Variants in CAMTA1 observed in about 807,000 individuals in gnomAD.
CAMTA1 encodes calmodulin-binding transcription activator 1.
A neutral mutation model predicts 170.9 loss-of-function variants in CAMTA1; 27 were observed. The observed-to-expected ratio is 0.16, with a 90% CI of 0.12 to 0.22. The LOEUF (loss-of-function observed/expected upper bound fraction) is 0.22, where lower values mean the gene tolerates loss of function less well. Ranked by LOEUF, CAMTA1 falls within the 10% of genes least tolerant of loss-of-function variation. The pLI, the probability that CAMTA1 is intolerant of heterozygous loss-of-function variation, is 1.00. For synonymous variants in CAMTA1, 833 were observed against 891.5 expected (o/e 0.93, Z 1.17); for missense variants, 1,619 against 2,217.2 (o/e 0.73, Z 5.42).
At chr1:6,789,733 G>A (rs1223708452) in intron 1 of CAMTA1, among the ~76,000 whole-genome samples, 1 of 151,904 alleles carries the variant, frequency 6.6e-6, no homozygotes, top group Non-Finnish European at 1.5e-5. Context: ...GAGCTGTAGG[G>A]GGTGATGTGA....
intron 3 of CAMTA1, among the ~76,000 whole-genome samples, chr1:6,933,342 G>A (rs549896224): frequency 2.0e-4 from 30 of 151,770 alleles, no homozygotes; most frequent in African/African-American, 6.3e-4. Context: ...TCACTGCAAC[G>A]TCCACCTCCC....
chr1:6,925,241 GC>G (rs1682859044), intron 3 of CAMTA1, among the ~76,000 whole-genome samples: 1 of 152,188 alleles, frequency 6.6e-6, no homozygotes, highest in African/African-American at 2.4e-5. Context: ...CTTCGCCTTG[GC>G]CCAGGCCTCT....
chr1:7,408,738 G>A (rs1421294389), intron 5 of CAMTA1, among the ~76,000 whole-genome samples: 4 of 152,202 alleles, frequency 2.6e-5, no homozygotes, highest in African/African-American at 4.8e-5. Context: ...TCCATAGCAC[G>A]CCTTGCTGGG....
rs565457521 is a variant in CAMTA1, at chr1:7,033,953, T to A, written c.235-57351T>A. On this transcript the variant is annotated intron_variant, in intron 3 of 22. Coordinates refer to ENST00000303635, the MANE Select transcript of CAMTA1 (RefSeq NM_015215.4). ...ATGTGGTTACATTATTTGGAATTAG[T>A]TTAACCCTTTCACATTTCGCTTTTA... is the stretch of plus-strand genomic sequence containing the variant. Among the ~76,000 whole-genome samples, 110 of 152,290 alleles carry A rather than the reference T, an allele frequency of 7.2e-4. 1 individual carries two copies. The South Asian group carries it at 0.022, about 30-fold the overall frequency.
At chr1:7,212,878 A>G (rs996453843) in intron 4 of CAMTA1, among the ~76,000 whole-genome samples, 1 of 152,204 alleles carries the variant, frequency 6.6e-6, no homozygotes, top group Non-Finnish European at 1.5e-5. Context: ...ACCTTTTGGA[A>G]TTGGCTACTT....
At chr1:6,841,918 C>T (rs1158391406) in intron 3 of CAMTA1, among the ~76,000 whole-genome samples, 1 of 152,176 alleles carries the variant, frequency 6.6e-6, no homozygotes, top group Non-Finnish European at 1.5e-5. Context: ...CGCAAGCCCA[C>T]CTCAGATGCT....
At chr1:7,647,712 G>A (rs925210338) in intron 7 of CAMTA1, among the ~76,000 whole-genome samples, 2 of 152,302 alleles carry the variant, frequency 1.3e-5, no homozygotes, top group East Asian at 1.9e-4. Flanking sequence ...GGCTGGGGAC[G>A]GCGGGCTGGG....
rs12084762 is a variant in CAMTA1, at chr1:7,479,860, A to G, written c.510+11959A>G. Among the ~76,000 whole-genome samples, 434 of 152,350 alleles carry G rather than the reference A, an allele frequency of 2.8e-3. 1 individual carries two copies. The highest frequency in any genetic ancestry group is 9.5e-3 in the African/African-American group (397 of 41,584). ...CATAGCCAAGTGCTCCTGTGGGTTC[A>G]GCTTCCCTTCAGCTCAGTGTTCTGC... On this transcript the variant is annotated intron_variant, in intron 6 of 22. Transcript: ENST00000303635.
chr1:7,166,044 GC>G (rs1215594464), intron 4 of CAMTA1, among the ~76,000 whole-genome samples: 2 of 150,204 alleles, frequency 1.3e-5, no homozygotes, highest in Non-Finnish European at 3.0e-5. Flanking sequence ...GTCTCTCTAA[GC>G]GGGGGGGTGT....
intron 4 of CAMTA1, among the ~76,000 whole-genome samples, chr1:7,126,173 G>A (rs1644921147): frequency 6.6e-6 from 1 of 152,134 alleles, no homozygotes; most frequent in East Asian, 1.9e-4. Flanking sequence ...CTCCCACTGG[G>A]TCCCTCCCAC....
chr1:6,943,049 T>A (rs1571918061), intron 3 of CAMTA1, among the ~76,000 whole-genome samples: 2 of 152,146 alleles, frequency 1.3e-5, no homozygotes, highest in Admixed American at 1.3e-4. Context: ...CTGACCACTC[T>A]GTAAGCACTA....
At chr1:7,601,910 C>G (rs930555116) in intron 6 of CAMTA1, among the ~76,000 whole-genome samples, 1 of 150,892 alleles carries the variant, frequency 6.6e-6, no homozygotes, top group Non-Finnish European at 1.5e-5. Context: ...AGCTTTGGCT[C>G]GGCATCAGGA....
chr1:7,741,757 T>C (rs974352169), intron 16 of CAMTA1, among the ~76,000 whole-genome samples: 7 of 151,622 alleles, frequency 4.6e-5, no homozygotes, highest in Non-Finnish European at 1.5e-5. Flanking sequence ...TAGCCAGGTG[T>C]GTTGGCAGGT....
Position 7,161,540 on chromosome 1 carries a change from C to T in CAMTA1, c.302+70169C>T, listed in dbSNP as rs575419743. On this transcript the variant is annotated intron_variant, in intron 4 of 22. Coordinates refer to ENST00000303635, the MANE Select transcript of CAMTA1 (RefSeq NM_015215.4). Reference sequence around the variant, plus strand: ...TGTTCTCATGATAGTGAATGAGTCTCAGGAGATTGGATGGTTTTAAAAACA... The same window carrying T: ...TGTTCTCATGATAGTGAATGAGTCTTAGGAGATTGGATGGTTTTAAAAACA... Among the ~76,000 whole-genome samples, 4 of 152,226 alleles carry T rather than the reference C, an allele frequency of 2.6e-5. No homozygotes were observed. The East Asian group carries it at 7.7e-4, about 29-fold the overall frequency.
At chr1:7,763,297 T>TTTTTTTC (rs2096990146) in intron 22 of CAMTA1, among the ~76,000 whole-genome samples, 1 of 152,242 alleles carries the variant, frequency 6.6e-6, no homozygotes, top group Non-Finnish European at 1.5e-5. Context: ...TAAAAAATGT[T>TTTTTTTC]TGTGCCATTT....
In CAMTA1 at chr1:7,281,799, T is replaced by TTGTGTGTG. The variant is rs57489369; in HGVS notation, c.438+32211_438+32218dup. Among the ~76,000 whole-genome samples, 243 of 139,302 alleles carry TTGTGTGTG rather than the reference T, an allele frequency of 1.7e-3. 1 individual carries two copies. Among genetic ancestry groups the TTGTGTGTG allele is most frequent in the Non-Finnish European group, 1.8e-3 (115 of 64,528 alleles). 91.4% of individuals were successfully genotyped at this position (139,302 alleles called of 152,430 possible). On this transcript the variant is annotated intron_variant, in intron 5 of 22. Transcript: ENST00000303635. ...TGTTGTTTATGGAAGGGGAAAGAAA[T>TTGTGTGTG]TGTGTGTGTGTGTGTGTGTGTGTGT...
intron 3 of CAMTA1, among the ~76,000 whole-genome samples, chr1:6,909,957 G>C (rs546896778): frequency 6.6e-6 from 1 of 152,336 alleles, no homozygotes; most frequent in African/African-American, 2.4e-5. Flanking sequence ...GGGTGGCCCA[G>C]CCTGTATGGA....
In CAMTA1 at chr1:6,885,050, G is replaced by A. The variant is rs138681595; in HGVS notation, c.234+59840G>A. Among the ~76,000 whole-genome samples, 561 of 152,320 alleles carry A rather than the reference G, an allele frequency of 3.7e-3. 2 individuals carry two copies. The highest frequency in any genetic ancestry group is 6.8e-3 in the Middle Eastern group (2 of 294). ...TGATGAGGAAGTGTATGGATACCAAGAAGTGGAAATTAAGCAAGAAATTAA... is the reference window on the plus strand; with the variant it reads ...TGATGAGGAAGTGTATGGATACCAAAAAGTGGAAATTAAGCAAGAAATTAA... On this transcript the variant is annotated intron_variant, in intron 3 of 22. Coordinates refer to ENST00000303635, the MANE Select transcript of CAMTA1 (RefSeq NM_015215.4).
intron 4 of CAMTA1, among the ~76,000 whole-genome samples, chr1:7,221,967 G>A (rs906748343): frequency 1.7e-4 from 25 of 145,198 alleles, no homozygotes; most frequent in Admixed American, 1.0e-3. Flanking sequence ...TGTAGTCCTC[G>A]GTTGCCTGGG....
Sources: allele counts gnomAD v4.1 joint callset (sites outside exome capture counted in the v4.1 genomes callset), GRCh38; gene constraint gnomAD v4.1.1; transcripts MANE v1.5; gene names NCBI Gene and HGNC (gene_info 2026-07-23, HGNC 2026-07-21).